Variants in PTPN12 observed in about 807,000 individuals in gnomAD.
PTPN12 encodes the protein tyrosine-protein phosphatase non-receptor type 12.
PTPN12 carries 29 observed loss-of-function variants against 97.6 expected under a neutral mutation model. The observed-to-expected ratio is 0.30, with a 90% CI of 0.22 to 0.41. The LOEUF is 0.41. PTPN12 is among the 10% of genes least tolerant of loss of function. The pLI is 1.00. For synonymous variants in PTPN12, 327 were observed against 300.4 expected (o/e 1.09, Z -0.91); for missense variants, 819 against 926.0 (o/e 0.88, Z 1.50).
In PTPN12 at chr7:77,581,366, C is replaced by T. The variant is rs540417051; in HGVS notation, c.209-61C>T. ...TAAGCTGTCTATTTAACCTTACTTACGCTTCATTAGAAAATACCTGTGTGT... is the reference window on the plus strand; with the variant it reads ...TAAGCTGTCTATTTAACCTTACTTATGCTTCATTAGAAAATACCTGTGTGT... On this transcript the variant is annotated intron_variant, in intron 2 of 17. Coordinates refer to ENST00000248594, the MANE Select transcript of PTPN12 (RefSeq NM_002835.4). The T allele has an allele frequency of 2.0e-5, 22 of 1,121,574 alleles. 1 individual carries two copies. In the Middle Eastern group the frequency reaches 1.0e-3, roughly 52 times the overall value. 69.5% of individuals were successfully genotyped at this position (1,121,574 alleles called of 1,614,324 possible). A position where few individuals can be genotyped will look rare whatever the true frequency, so the allele number is the denominator to read the frequency against.
intron 8 of PTPN12, among the ~76,000 whole-genome samples, chr7:77,603,578 A>G (rs1484681955): frequency 6.6e-6 from 1 of 151,492 alleles, no homozygotes; most frequent in Non-Finnish European, 1.5e-5. Context: ...CTCCGCCTCA[A>G]CTATTTTAAA....
intron 7 of PTPN12, among the ~76,000 whole-genome samples, chr7:77,599,229 A>G (rs538423969): frequency 6.6e-6 from 1 of 151,984 alleles, no homozygotes; most frequent in South Asian, 2.1e-4. Context: ...TTACTGGTTT[A>G]CAATTTGTTA....
chr7:77,613,538 C>A (rs891785391), intron 11 of PTPN12, among the ~76,000 whole-genome samples: 2 of 151,952 alleles, frequency 1.3e-5, no homozygotes, highest in African/African-American at 4.8e-5. Context: ...AATTTCAAAG[C>A]TAAAGTTTTT....
intron 12 of PTPN12, among the ~76,000 whole-genome samples, chr7:77,625,472 GCT>G (rs775712037): frequency 0.041 from 1,353 of 33,390 alleles, 37 homozygotes; most frequent in Non-Finnish European, 0.054. Flanking sequence ...CAGGCTGCTC[GCT>G]CTCTCTCTCT....
chr7:77,571,296 C>CT (rs1245360247), intron 2 of PTPN12, 110 bp downstream of exon 2: 1 of 652,762 alleles, frequency 1.5e-6, no homozygotes, highest in Non-Finnish European at 2.6e-6. Context: ...AGTAATTAAC[C>CT]TATCTTTCAA....
chr7:77,548,917 T>G (rs1351121945), intron 1 of PTPN12, among the ~76,000 whole-genome samples: 1 of 152,210 alleles, frequency 6.6e-6, no homozygotes, highest in African/African-American at 2.4e-5. Context: ...TACTTCTCTT[T>G]GCTTCTCTGC....
At chr7:77,580,674 A>T (rs1787485216) in intron 2 of PTPN12, among the ~76,000 whole-genome samples, 1 of 152,168 alleles carries the variant, frequency 6.6e-6, no homozygotes, top group Admixed American at 6.5e-5. Context: ...TATACTTCAT[A>T]AAATTTTTTA....
chr7:77,583,748 C>T (rs1787597836), intron 4 of PTPN12, 98 bp downstream of exon 4: 1 of 727,382 alleles, frequency 1.4e-6, no homozygotes, highest in East Asian at 3.0e-5. Flanking sequence ...TTAAAAAATC[C>T]ATAATTATGT....
At chr7:77,610,655 A>G (rs1289373454) in intron 9 of PTPN12, 110 bp from the exon 10 acceptor site, 2 of 1,128,588 alleles carry the variant, frequency 1.8e-6, no homozygotes, top group Non-Finnish European at 1.3e-6. Flanking sequence ...TGTTCAATAA[A>G]TGTTTGCAGT....
chr7:77,632,227 T>C, intron 13 of PTPN12, 121 bp from the exon 14 acceptor site: 1 of 725,032 alleles, frequency 1.4e-6, no homozygotes, highest in Non-Finnish European at 2.4e-6. Context: ...CTTGCATTTT[T>C]TTGCATTTTT....
At chr7:77,547,122 A>G (rs941146450) in intron 1 of PTPN12, among the ~76,000 whole-genome samples, 7 of 152,214 alleles carry the variant, frequency 4.6e-5, no homozygotes, top group Non-Finnish European at 7.3e-5. Context: ...AAGGAATGCA[A>G]AGATTTGTCT....
intron 1 of PTPN12, among the ~76,000 whole-genome samples, chr7:77,553,262 A>G (rs1285414045): frequency 6.6e-6 from 1 of 152,178 alleles, no homozygotes; most frequent in African/African-American, 2.4e-5. Flanking sequence ...TGTATTCTGT[A>G]GTTGTTGTCT....
chr7:77,551,305 C>G (rs1807468424), intron 1 of PTPN12, among the ~76,000 whole-genome samples: 2 of 152,196 alleles, frequency 1.3e-5, no homozygotes, highest in South Asian at 4.1e-4. Context: ...AGGTAATCCA[C>G]CCGCCTTGGC....
chr7:77,584,864 G>A (rs1787638000), intron 4 of PTPN12, among the ~76,000 whole-genome samples: 2 of 149,180 alleles, frequency 1.3e-5, no homozygotes, highest in African/African-American at 2.5e-5. Context: ...GCGACAGAGC[G>A]AGACTCCGTC....
intron 11 of PTPN12, among the ~76,000 whole-genome samples, chr7:77,612,152 C>G (rs2151377869): frequency 6.6e-6 from 1 of 152,104 alleles, no homozygotes; most frequent in East Asian, 1.9e-4. Flanking sequence ...TTTGAATTTT[C>G]TTGGTTTTCC....
chr7:77,632,429 AGT>A lies in PTPN12; in HGVS notation c.2074+7_2074+8del. On this transcript the variant is annotated splice_donor_5th_base_variant and intron_variant, in intron 14 of 17. Coordinates refer to ENST00000248594, the MANE Select transcript of PTPN12 (RefSeq NM_002835.4). Reference sequence around the variant, plus strand: ...TTTGTGTTAGCAAGTGAACATAGTGAGTGTCTCTTTTGCTTTTACATTTACTT... The same window carrying A: ...TTTGTGTTAGCAAGTGAACATAGTGAGTCTCTTTTGCTTTTACATTTACTT... 1 of 1,599,486 alleles carries A rather than the reference AGT, an allele frequency of 6.3e-7. No individual in the cohort carries two copies. The highest frequency in any genetic ancestry group is 1.1e-5 in the South Asian group (1 of 90,360).
chr7:77,544,691 A>G (rs1404311972), intron 1 of PTPN12, among the ~76,000 whole-genome samples: 4 of 152,190 alleles, frequency 2.6e-5, no homozygotes, highest in Non-Finnish European at 5.9e-5. Context: ...ATTCATAAAT[A>G]TTTACATTTC....
intron 2 of PTPN12, among the ~76,000 whole-genome samples, chr7:77,579,997 C>G (rs1487378539): frequency 6.6e-6 from 1 of 152,228 alleles, no homozygotes; most frequent in East Asian, 1.9e-4. Context: ...AGGCAAGTAG[C>G]AATTCCTCTG....
intron 12 of PTPN12, among the ~76,000 whole-genome samples, chr7:77,619,931 T>G (rs1788875620): frequency 6.6e-6 from 1 of 152,218 alleles, no homozygotes; most frequent in African/African-American, 2.4e-5. Context: ...TCCTGTTCGA[T>G]TTCCACTTTG....
Sources: allele counts gnomAD v4.1 joint callset (sites outside exome capture counted in the v4.1 genomes callset), GRCh38; gene constraint gnomAD v4.1.1; transcripts MANE v1.5; gene names NCBI Gene and HGNC (gene_info 2026-07-23, HGNC 2026-07-21).